Variants in SRGAP2 observed in about 807,000 individuals in gnomAD.
SRGAP2 encodes the protein SLIT-ROBO Rho GTPase activating protein 2.
A neutral mutation model predicts 57.2 loss-of-function variants in SRGAP2; 15 were observed. The ratio of observed to expected loss-of-function variants is 0.26; its 90% confidence interval spans 0.18 to 0.40. SRGAP2 has a LOEUF of 0.40. SRGAP2 is among the 10% of genes least tolerant of loss of function. SRGAP2 has a pLI of 1.00. For missense variants in SRGAP2, 520 were observed against 669.6 expected (o/e 0.78, Z 2.47); for synonymous variants, 249 against 248.0 (o/e 1.00, Z -0.04).
At chr1:206,424,788 A>G (rs1660647164) in intron 13 of SRGAP2, among the ~76,000 whole-genome samples, 1 of 152,250 alleles carries the variant, frequency 6.6e-6, no homozygotes, top group Non-Finnish European at 1.5e-5. Flanking sequence ...TTGCTCAGAA[A>G]CATTATAAGG....
In SRGAP2 at chr1:206,450,454, C is replaced by T. The variant is rs117722554; in HGVS notation, c.2168C>T (p.Thr723Met). ...STQDVTAEHH[T>M]SDDECEPIEA... ...CAGGATGTGACCGCAGAGCACCACACGAGCGATGACGGTACGAGGCCCTGC... is the reference window on the plus strand; with the variant it reads ...CAGGATGTGACCGCAGAGCACCACATGAGCGATGACGGTACGAGGCCCTGC... Residue 723 changes from threonine (T) to methionine (M), a missense_variant, in exon 19 of 23, where the codon ACG becomes ATG. Transcript: ENST00000573034. 33 of 780,760 alleles carry T rather than the reference C, an allele frequency of 4.2e-5. No homozygotes were observed. The East Asian group carries it at 7.8e-4, about 18-fold the overall frequency. 48.4% of individuals were successfully genotyped at this position (780,760 alleles called of 1,614,324 possible).
At chr1:206,365,652 G>A (rs1181991856) in intron 4 of SRGAP2, among the ~76,000 whole-genome samples, 7 of 131,158 alleles carry the variant, frequency 5.3e-5, no homozygotes, top group African/African-American at 2.3e-4. Flanking sequence ...CAGGGCCGGG[G>A]TAGGCGTACT....
intron 2 of SRGAP2, among the ~76,000 whole-genome samples, chr1:206,255,347 C>CT (rs1361940517): frequency 6.9e-5 from 10 of 145,928 alleles, no homozygotes; most frequent in Non-Finnish European, 1.5e-4. Flanking sequence ...ACTTCTCTGT[C>CT]TTTTTTTTCC....
chr1:206,310,546 G>A (rs1279208878), intron 3 of SRGAP2, among the ~76,000 whole-genome samples: 7 of 152,156 alleles, frequency 4.6e-5, no homozygotes, highest in East Asian at 1.9e-4. Context: ...AAGAGTCCAC[G>A]TAGCTGATGA....
At chr1:206,339,833 A>G (rs1297501022) in intron 3 of SRGAP2, among the ~76,000 whole-genome samples, 3 of 151,208 alleles carry the variant, frequency 2.0e-5, no homozygotes, top group Non-Finnish European at 4.4e-5. Context: ...GCTCTCACCC[A>G]GGCTGGAGTG....
At chr1:206,261,629 T>C (rs1170757477) in intron 2 of SRGAP2, among the ~76,000 whole-genome samples, 1 of 151,710 alleles carries the variant, frequency 6.6e-6, no homozygotes, top group Non-Finnish European at 1.5e-5. Context: ...AAAGTCTCCC[T>C]GTGTGTTGGG....
intron 2 of SRGAP2, among the ~76,000 whole-genome samples, chr1:206,295,312 C>T (rs1671531205): frequency 1.3e-5 from 2 of 152,146 alleles, no homozygotes; most frequent in Admixed American, 6.5e-5. Context: ...TAACCTCTGC[C>T]TCCTGGGTTC....
At chr1:206,427,234 A>G (rs1401626136) in intron 13 of SRGAP2, among the ~76,000 whole-genome samples, 2 of 151,068 alleles carry the variant, frequency 1.3e-5, no homozygotes, top group African/African-American at 4.9e-5. Flanking sequence ...ACATAAAAAG[A>G]CTCCCCCCAG....
intron 7 of SRGAP2, among the ~76,000 whole-genome samples, chr1:206,396,083 C>T (rs1385071031): frequency 8.1e-5 from 12 of 147,948 alleles, no homozygotes; most frequent in South Asian, 2.2e-4. Flanking sequence ...CCCAGGTTCA[C>T]GCCATTCTCC....
chr1:206,210,606 A>G (rs1450959106), intron 2 of SRGAP2, among the ~76,000 whole-genome samples: 8 of 150,258 alleles, frequency 5.3e-5, no homozygotes, highest in South Asian at 2.1e-4. Context: ...TTGTGTGTGT[A>G]TATATACTTG....
intron 5 of SRGAP2, among the ~76,000 whole-genome samples, chr1:206,385,984 A>G (rs1553348356): frequency 1.3e-5 from 2 of 152,270 alleles, no homozygotes; most frequent in Non-Finnish European, 2.9e-5. Flanking sequence ...AAAGAGGGAA[A>G]AAAAAGAGTA....
At chr1:206,418,922 GTGTGTGTGTGTGTGTA>G (rs1660030550) in intron 11 of SRGAP2, among the ~76,000 whole-genome samples, 1 of 151,658 alleles carries the variant, frequency 6.6e-6, no homozygotes, top group African/African-American at 2.4e-5. Context: ...GTGTGTGTGT[GTGTGTGTGTGTGTGTA>G]TACTCAGGAG....
At position 206,462,786 on chromosome 1, in the gene SRGAP2, C is replaced by T. The variant is rs1282560699; in HGVS notation, c.*1366C>T. 1 of 152,106 alleles carries T rather than the reference C, an allele frequency of 6.6e-6. No homozygotes were observed. The highest frequency in any genetic ancestry group is 2.4e-5 in the African/African-American group (1 of 41,418). The allele number at this position is 152,106 out of a possible 1,614,324, so 9.4% of individuals were successfully genotyped here. On this transcript the variant is annotated 3_prime_UTR_variant, in exon 23 of 23. Transcript: ENST00000573034. ...TCTACTCTGGCCTTTTTTCTGGTTCCCTTCCAAAATGCACAAATCATACCC... is the reference window on the plus strand; with the variant it reads ...TCTACTCTGGCCTTTTTTCTGGTTCTCTTCCAAAATGCACAAATCATACCC...
chr1:206,268,740 AC>A (rs1282313799), intron 2 of SRGAP2, among the ~76,000 whole-genome samples: 4 of 133,780 alleles, frequency 3.0e-5, no homozygotes, highest in Non-Finnish European at 6.3e-5. Flanking sequence ...AACCACTAGA[AC>A]AAAAATGCGG....
rs535024168 is a variant in SRGAP2 at position 206,367,360 on chromosome 1, G to C, written c.424-16654G>C. Among the ~76,000 whole-genome samples, 52 of 152,174 alleles carry C rather than the reference G, an allele frequency of 3.4e-4. No homozygotes were observed. In the South Asian group the frequency reaches 0.011, roughly 32 times the overall value. On this transcript the variant is annotated intron_variant, in intron 4 of 22. Transcript: ENST00000573034. Reference sequence around the variant, plus strand: ...TATTGTATAAGATTAGGAGAATACAGATAAGACAAAATAGCATTGAAGGAG... The same window carrying C: ...TATTGTATAAGATTAGGAGAATACACATAAGACAAAATAGCATTGAAGGAG...
At chr1:206,290,375 G>A (rs1671242434) in intron 2 of SRGAP2, among the ~76,000 whole-genome samples, 1 of 152,230 alleles carries the variant, frequency 6.6e-6, no homozygotes, top group African/African-American at 2.4e-5. Context: ...AGTCGGGCAC[G>A]GTGGCTCATG....
intron 4 of SRGAP2, among the ~76,000 whole-genome samples, chr1:206,372,933 T>C (rs1654698898): frequency 1.3e-4 from 1 of 7,860 alleles, no homozygotes; most frequent in African/African-American, 1.9e-3. Context: ...CTTTCTTTCT[T>C]TCTTTCTTTC....
At chr1:206,450,913 A>AGTT (rs1663221523) in intron 19 of SRGAP2, among the ~76,000 whole-genome samples, 1 of 151,592 alleles carries the variant, frequency 6.6e-6, no homozygotes, top group Non-Finnish European at 1.5e-5. Context: ...AGAATTCAAG[A>AGTT]CCAGCCTAGG....
chr1:206,241,126 G>A (rs868981974), intron 2 of SRGAP2, among the ~76,000 whole-genome samples: 1,035 of 148,474 alleles, frequency 7.0e-3, no homozygotes, highest in African/African-American at 0.026. Context: ...CGAGGCTACG[G>A]TGAGCTGTAA....
Sources: allele counts gnomAD v4.1 joint callset (sites outside exome capture counted in the v4.1 genomes callset), GRCh38; gene constraint gnomAD v4.1.1; transcripts MANE v1.5; gene names NCBI Gene and HGNC (gene_info 2026-07-23, HGNC 2026-07-21).